The following GABRG3 variants were observed in gnomAD, a reference collection of about 807,000 sequenced individuals.
GABRG3 encodes gamma-aminobutyric acid receptor subunit gamma-3.
A neutral mutation model predicts 48.8 loss-of-function variants in GABRG3; 25 were observed. The observed-to-expected ratio is 0.51, with a 90% CI of 0.37 to 0.72. The LOEUF is 0.72. GABRG3 is among the 30% of genes least tolerant of loss of function. The pLI is 0.00. For missense variants in GABRG3, 394 were observed against 577.9 expected (o/e 0.68, Z 3.26); for synonymous variants, 227 against 217.6 (o/e 1.04, Z -0.38).
intron 3 of GABRG3, among the ~76,000 whole-genome samples, chr15:27,069,095 G>A (rs915145992): frequency 2.6e-5 from 4 of 152,148 alleles, no homozygotes; most frequent in East Asian, 1.9e-4. Context: ...TTTTGCCCTC[G>A]TTCTTGTTTT....
chr15:27,048,607 G>A (rs1896404988), intron 3 of GABRG3, among the ~76,000 whole-genome samples: 1 of 152,320 alleles, frequency 6.6e-6, no homozygotes, highest in East Asian at 1.9e-4. Context: ...AACTGCCACT[G>A]GAGCTAATAG....
chr15:27,393,829 C>T (rs1887220665), intron 5 of GABRG3, among the ~76,000 whole-genome samples: 1 of 152,114 alleles, frequency 6.6e-6, no homozygotes, highest in African/African-American at 2.4e-5. Flanking sequence ...AATGGCAGCC[C>T]CGCTGATACC....
intron 3 of GABRG3, among the ~76,000 whole-genome samples, chr15:27,220,430 T>C (rs2140440394): frequency 6.6e-6 from 1 of 152,226 alleles, no homozygotes; most frequent in African/African-American, 2.4e-5. Context: ...GTCACCAGGG[T>C]AAGCCACAGT....
chr15:27,191,637 C>T (rs768846158), intron 3 of GABRG3, among the ~76,000 whole-genome samples: 4 of 152,126 alleles, frequency 2.6e-5, no homozygotes, highest in Non-Finnish European at 4.4e-5. Flanking sequence ...AGATGGGTTT[C>T]CTGAATACAA....
chr15:27,201,163 C>T (rs568693150), intron 3 of GABRG3, among the ~76,000 whole-genome samples: 23 of 152,114 alleles, frequency 1.5e-4, no homozygotes, highest in Admixed American at 1.2e-3. Flanking sequence ...CTCTGTTGAG[C>T]ACCTGTTGAG....
intron 3 of GABRG3, among the ~76,000 whole-genome samples, chr15:27,030,466 T>C (rs1372331622): frequency 6.6e-6 from 1 of 152,182 alleles, no homozygotes; most frequent in African/African-American, 2.4e-5. Context: ...TTTCTAGTTA[T>C]CGAGATTAGA....
At chr15:27,295,096 G>A (rs931338847) in intron 3 of GABRG3, 1 of 152,160 alleles carries the variant, frequency 6.6e-6, no homozygotes, top group African/African-American at 2.4e-5. Flanking sequence ...CATTCATGGT[G>A]AATGAAAGAA....
At chr15:27,299,876 G>A (rs915362549) in intron 3 of GABRG3, among the ~76,000 whole-genome samples, 2 of 152,108 alleles carry the variant, frequency 1.3e-5, no homozygotes, top group Non-Finnish European at 2.9e-5. Flanking sequence ...GAATAAAAAA[G>A]TACTAGGTAG....
intron 3 of GABRG3, among the ~76,000 whole-genome samples, chr15:27,297,056 A>C (rs779844050): frequency 9.2e-5 from 14 of 152,162 alleles, no homozygotes; most frequent in Non-Finnish European, 1.5e-4. Context: ...TTTGTGTCTT[A>C]GTTTTTAACA....
At chr15:27,058,001 A>G (rs1014245057) in intron 3 of GABRG3, among the ~76,000 whole-genome samples, 3 of 151,958 alleles carry the variant, frequency 2.0e-5, no homozygotes, top group African/African-American at 7.3e-5. Flanking sequence ...TTGTATACTC[A>G]CTCTCACAGT....
At chr15:27,460,309 C>T (rs1889410327) in intron 5 of GABRG3, among the ~76,000 whole-genome samples, 1 of 152,182 alleles carries the variant, frequency 6.6e-6, no homozygotes, top group Non-Finnish European at 1.5e-5. Flanking sequence ...CACCCGTGTC[C>T]CTGCTGGAGG....
At chr15:27,418,010 C>T (rs1887994029) in intron 5 of GABRG3, among the ~76,000 whole-genome samples, 1 of 152,234 alleles carries the variant, frequency 6.6e-6, no homozygotes, top group African/African-American at 2.4e-5. Flanking sequence ...GGTCCATCAC[C>T]TGCAGAGGCT....
At chr15:27,042,488 T>C (rs927095713) in intron 3 of GABRG3, among the ~76,000 whole-genome samples, 2 of 152,202 alleles carry the variant, frequency 1.3e-5, no homozygotes, top group African/African-American at 4.8e-5. Flanking sequence ...GCTGCCAGCT[T>C]CAGAGGATGC....
intron 3 of GABRG3, among the ~76,000 whole-genome samples, chr15:27,311,101 G>A (rs570067529): frequency 2.7e-4 from 41 of 152,282 alleles, no homozygotes; most frequent in Middle Eastern, 3.4e-3. Flanking sequence ...TCTTTCCTGA[G>A]CAAGAAGACA....
chr15:27,453,527 A>G (rs1445871685), intron 5 of GABRG3, among the ~76,000 whole-genome samples: 2 of 152,224 alleles, frequency 1.3e-5, no homozygotes, highest in Admixed American at 6.5e-5. Context: ...TAATTATCTC[A>G]GTAACCTTTG....
At chr15:27,334,614 C>T (rs891755165) in intron 5 of GABRG3, among the ~76,000 whole-genome samples, 58 of 152,100 alleles carry the variant, frequency 3.8e-4, no homozygotes, top group African/African-American at 1.4e-3. Context: ...CTTTAAAATG[C>T]TATGGTATGA....
intron 2 of GABRG3, among the ~76,000 whole-genome samples, chr15:26,982,367 A>C (rs114254575): frequency 1.0e-3 from 152 of 152,310 alleles, no homozygotes; most frequent in African/African-American, 3.1e-3. Flanking sequence ...TCATGGTGTC[A>C]CTGGGCACCA....
At chr15:27,059,899 C>T (rs893694443) in intron 3 of GABRG3, among the ~76,000 whole-genome samples, 1 of 152,182 alleles carries the variant, frequency 6.6e-6, no homozygotes, top group African/African-American at 2.4e-5. Flanking sequence ...AAAAGGTGGC[C>T]ATTCCTGCTA....
chr15:27,234,568 G>A (rs1170810054), intron 3 of GABRG3, among the ~76,000 whole-genome samples: 5 of 152,148 alleles, frequency 3.3e-5, no homozygotes, highest in Non-Finnish European at 7.3e-5. Flanking sequence ...CACACATGAG[G>A]AGGGTACACA....
Sources: gnomAD v4.1 joint callset for allele counts (sites outside exome capture counted in the v4.1 genomes callset) on GRCh38, gnomAD v4.1.1 for gene constraint, MANE v1.5 for transcripts, NCBI Gene and HGNC (gene_info 2026-07-23, HGNC 2026-07-21) for gene names.